DLEC1: variants seen among roughly 807,000 people sequenced by gnomAD.
DLEC1 encodes the protein deleted in lung and esophageal cancer protein 1.
DLEC1 carries 146 observed loss-of-function variants against 198.1 expected under a neutral mutation model. The ratio of observed to expected loss-of-function variants is 0.74; its 90% CI spans 0.64 to 0.85. The LOEUF (loss-of-function observed/expected upper bound fraction) is 0.85. Among genes scored for constraint, DLEC1 ranks in the 40% least tolerant of loss-of-function variants. The pLI, the probability that DLEC1 is intolerant of heterozygous loss-of-function variation, is 0.00. For synonymous variants in DLEC1, 897 were observed against 866.8 expected (o/e 1.03, Z -0.61); for missense variants, 2,233 against 2,220.0 (o/e 1.01, Z -0.12).
chr3:38,083,789 C>A (rs1336944510), intron 6 of DLEC1, among the ~76,000 whole-genome samples: 1 of 141,582 alleles, frequency 7.1e-6, no homozygotes, highest in East Asian at 2.2e-4. Flanking sequence ...AAATTTTAAA[C>A]TAATTTTTTT....
Position 38,071,082 on chromosome 3 carries a change from C to G in DLEC1, c.1173+7163C>G, listed in dbSNP as rs185496974. Among the ~76,000 whole-genome samples, 379 of 151,988 alleles carry G rather than the reference C, an allele frequency of 2.5e-3. 3 individuals are homozygous for G. Among genetic ancestry groups the G allele is most frequent in the East Asian group, 3.3e-3 (17 of 5,190 alleles). On this transcript the variant is annotated intron_variant, in intron 6 of 36. Coordinates refer to ENST00000308059, the MANE Select transcript of DLEC1 (RefSeq NM_007335.4). ...AAGCGGGATTGGGGCAGCGTGGGAA[C>G]CTAGAGTGGGAGAGAGAAAGCTGAA... is the stretch of plus-strand genomic sequence containing the variant.
Position 38,109,385 on chromosome 3 carries a change from T to G in DLEC1, c.3130-47T>G, listed in dbSNP as rs752799827. 7.5e-6 allele frequency: 12 copies of G among 1,610,046 alleles called. No homozygotes were observed. In the South Asian group the frequency reaches 1.3e-4, roughly 18 times the overall value. On this transcript the variant is annotated intron_variant, in intron 21 of 36. Transcript: ENST00000308059. ...TGCGGAAGACCATCTGGGCTCATCT[T>G]CAGAGGCCCCAGGCCTGGTCTGACC...
chr3:38,081,824 C>T (rs1452013265), intron 6 of DLEC1, among the ~76,000 whole-genome samples: 27 of 132,128 alleles, frequency 2.0e-4, no homozygotes, highest in African/African-American at 4.3e-4. Flanking sequence ...CCGGACGGCA[C>T]GGCTGGCCAG....
At chr3:38,121,605 C>T in intron 34 of DLEC1, 23 bp from the exon 35 acceptor site, 2 of 1,608,544 alleles carry the variant, frequency 1.2e-6, no homozygotes, top group Non-Finnish European at 1.7e-6. Flanking sequence ...CCAGAATGGA[C>T]AAGGTTGCCT....
At chr3:38,120,098 C>T (rs1700374052) in intron 33 of DLEC1, among the ~76,000 whole-genome samples, 1 of 152,182 alleles carries the variant, frequency 6.6e-6, no homozygotes, top group Non-Finnish European at 1.5e-5. Flanking sequence ...GGTCAGTGAC[C>T]TGTCAGAGGC....
intron 19 of DLEC1, among the ~76,000 whole-genome samples, chr3:38,101,184 A>G (rs1157595462): frequency 6.6e-6 from 1 of 152,130 alleles, no homozygotes; most frequent in Non-Finnish European, 1.5e-5. Flanking sequence ...CCTGCTGGGC[A>G]TGGTGGCTCA....
intron 27 of DLEC1, 112 bp downstream of exon 27, chr3:38,115,165 G>A: frequency 8.8e-7 from 1 of 1,140,414 alleles, no homozygotes; most frequent in South Asian, 1.4e-5. Context: ...CAGGACCCAG[G>A]TGTCCAGGGG....
At chr3:38,076,047 C>A (rs574849426) in intron 6 of DLEC1, among the ~76,000 whole-genome samples, 23 of 152,106 alleles carry the variant, frequency 1.5e-4, no homozygotes, top group African/African-American at 4.8e-4. Context: ...AGTCTGTGAC[C>A]GGCACCGGAG....
At chr3:38,105,789 T>G (rs1327999273) in intron 19 of DLEC1, among the ~76,000 whole-genome samples, 2 of 152,220 alleles carry the variant, frequency 1.3e-5, no homozygotes, top group Non-Finnish European at 2.9e-5. Context: ...AAAGTAGAAC[T>G]TCATCTCCCG....
Position 38,116,784 on chromosome 3 carries a change from C to A in DLEC1, c.4074C>A (p.Ser1358Arg). ...SHETDSSVEGSSSASNRVAQK... is the reference protein window; with the variant it reads ...SHETDSSVEGRSSASNRVAQK... ...TTCCTTGGTGACAGGTTGAGGGCAGCTCCAGTGCCAGCAATAGGGTGGCAC... is the reference window on the plus strand; with the variant it reads ...TTCCTTGGTGACAGGTTGAGGGCAGATCCAGTGCCAGCAATAGGGTGGCAC... Residue 1358 changes from serine to arginine, a missense_variant, in exon 29 of 37, where the codon AGC (serine) becomes AGA (arginine). By Grantham distance (110) the Ser-to-Arg change is moderately radical. Coordinates refer to ENST00000308059, the MANE Select transcript of DLEC1 (RefSeq NM_007335.4). 1 of 1,612,510 alleles carries A rather than the reference C, an allele frequency of 6.2e-7. No homozygotes were observed.
Position 38,082,470 on chromosome 3 carries a change from C to A in DLEC1, c.1174-1688C>A, listed in dbSNP as rs377376976. ...GGCTGCTCCTTGCCCTCGGGCCCCG[C>A]GGGGCCCGTCCCGGTTCGGGTGTTC... On this transcript the variant is annotated intron_variant, in intron 6 of 36. Transcript: ENST00000308059. Among the ~76,000 whole-genome samples the A allele has an allele frequency of 2.6e-5, 4 of 151,976 alleles. No homozygotes were observed. The East Asian group carries it at 5.9e-4, about 22-fold the overall frequency.
rs374491783 is a variant in DLEC1 at position 38,097,794 on chromosome 3, C to T, written c.2616C>T (p.Arg872=). The T allele has an allele frequency of 3.1e-6, 5 of 1,614,178 alleles. No individual in the cohort carries two copies. The highest frequency in any genetic ancestry group is 3.4e-6 in the Non-Finnish European group (4 of 1,180,036). Residue 872 remains arginine, a synonymous_variant, in exon 18 of 37, where the codon CGC becomes CGT. Coordinates refer to ENST00000308059, the MANE Select transcript of DLEC1 (RefSeq NM_007335.4). The part of the protein sequence containing the change: ...NVSALQFGLL[R]LGQKATNSIQ... ...CAGCCCTTCAGTTTGGTCTGCTCCG[C>T]CTGGGGCAGAAAGCCACAAACTCCA... is the stretch of plus-strand genomic sequence containing the variant.
intron 1 of DLEC1, among the ~76,000 whole-genome samples, chr3:38,041,741 G>A (rs1171451022): frequency 6.6e-6 from 1 of 151,248 alleles, no homozygotes; most frequent in African/African-American, 2.4e-5. Flanking sequence ...CCAGGTACTC[G>A]GGAGGCTGAG....
chr3:38,094,999 C>T lies in DLEC1; in HGVS notation c.2040C>T (p.Ser680=). 1.2e-6 allele frequency: 2 copies of T among 1,614,224 alleles called. No individual in the cohort carries two copies. Among genetic ancestry groups the T allele is most frequent in the Non-Finnish European group, 1.7e-6 (2 of 1,180,032 alleles). ...ACCCCGACAAGGAGACTGCCTTCTC[C>T]ATCATGCCCAGAAAGGGGGTTCTAA... is the stretch of plus-strand genomic sequence containing the variant. ...KCYPDKETAF[S]IMPRKGVLSP... Residue 680 remains serine, a synonymous_variant, in exon 13 of 37, where the codon TCC becomes TCT. Transcript: ENST00000308059.
chr3:38,110,837 TAC>T (rs1203721729), intron 23 of DLEC1, among the ~76,000 whole-genome samples: 9 of 151,994 alleles, frequency 5.9e-5, no homozygotes, highest in East Asian at 1.9e-4. Context: ...TACACATGCA[TAC>T]ACACATACAC....
chr3:38,084,049 A>G (rs749620889), intron 6 of DLEC1, 109 bp from the exon 7 acceptor site: 6 of 1,058,238 alleles, frequency 5.7e-6, no homozygotes, highest in Non-Finnish European at 8.4e-6. Flanking sequence ...GGCCAAGCCT[A>G]TTTCATTTCT....
chr3:38,059,801 T>G lies in DLEC1; in HGVS notation c.622T>G (p.Ser208Ala), dbSNP rs755854100. Reference protein sequence around the residue: ...SELLRKHHLISPEDYYTDTVP... With the variant: ...SELLRKHHLIAPEDYYTDTVP... ...GTTGCTACGGAAACATCATTTGATC[T>G]CCCCAGAAGATTACTACACCGATAC... Residue 208 changes from serine (S) to alanine (A), a missense_variant, in exon 3 of 37, where the codon TCC becomes GCC. Physicochemically the swap from Ser to Ala is moderately conservative, Grantham distance 99 (BLOSUM62 1). Coordinates refer to ENST00000308059, the MANE Select transcript of DLEC1 (RefSeq NM_007335.4). The G allele has an allele frequency of 1.2e-6, 2 of 1,614,010 alleles. No homozygotes were observed. The highest frequency in any genetic ancestry group is 1.7e-6 in the Non-Finnish European group (2 of 1,180,042).
At chr3:38,074,152 G>A (rs1697474807) in intron 6 of DLEC1, among the ~76,000 whole-genome samples, 2 of 152,252 alleles carry the variant, frequency 1.3e-5, no homozygotes, top group Admixed American at 1.3e-4. Context: ...AGTCTTGTAG[G>A]AATGCTTGAC....
intron 1 of DLEC1, among the ~76,000 whole-genome samples, chr3:38,042,581 A>T (rs1189443312): frequency 7.7e-6 from 1 of 130,432 alleles, no homozygotes. Flanking sequence ...TTTGAGACAG[A>T]GTCTTGCACT....
Sources: allele counts gnomAD v4.1 joint callset (sites outside exome capture counted in the v4.1 genomes callset), GRCh38; gene constraint gnomAD v4.1.1; transcripts MANE v1.5; gene names NCBI Gene and HGNC (gene_info 2026-07-23, HGNC 2026-07-21).